Variants in EXT1 observed in about 807,000 individuals in gnomAD.
EXT1 encodes exostosin-1.
In EXT1, 20 loss-of-function variants were observed where a neutral mutation model predicts 82.5. The observed-to-expected ratio is 0.24, with a 90% CI of 0.17 to 0.35. EXT1 has a LOEUF of 0.35. EXT1 is among the 10% of genes least tolerant of loss of function. The pLI, the probability that EXT1 is intolerant of heterozygous loss-of-function variation, is 1.00. For synonymous variants in EXT1, 348 were observed against 350.8 expected, an observed-to-expected ratio of 0.99 and a Z score of 0.09; for missense variants, 757 against 936.5, an observed-to-expected ratio of 0.81 and a Z score of 2.50.
chr8:117,815,654 AG>A (rs1412442503), intron 7 of EXT1, among the ~76,000 whole-genome samples: 1 of 152,196 alleles, frequency 6.6e-6, no homozygotes, highest in East Asian at 1.9e-4. Flanking sequence ...CATGTTGGCC[AG>A]GTACAGTGGC....
intron 1 of EXT1, among the ~76,000 whole-genome samples, chr8:118,062,134 T>C (rs185276973): frequency 6.6e-6 from 1 of 152,304 alleles, no homozygotes; most frequent in Non-Finnish European, 1.5e-5. Flanking sequence ...TGGACACGTG[T>C]TCCATGACTT....
At chr8:117,853,911 T>C (rs1450370689) in intron 1 of EXT1, among the ~76,000 whole-genome samples, 8 of 152,240 alleles carry the variant, frequency 5.3e-5, no homozygotes, top group Admixed American at 5.2e-4. Context: ...AATACTGAAA[T>C]GACTTAATTG....
intron 1 of EXT1, among the ~76,000 whole-genome samples, chr8:117,839,103 T>C (rs763439360): frequency 6.4e-4 from 98 of 152,226 alleles, no homozygotes; most frequent in Non-Finnish European, 1.1e-3. Flanking sequence ...AATGGTTACA[T>C]AGAAGGACTA....
chr8:118,092,142 G>A lies in EXT1; in HGVS notation c.962+17943C>T, dbSNP rs989711506. Reference sequence around the variant, plus strand: ...TAAAATATATTTGGAGGAAAATAATGCAGAGAAAACATTTATCAGGCACAT... The same window carrying A: ...TAAAATATATTTGGAGGAAAATAATACAGAGAAAACATTTATCAGGCACAT... On this transcript the variant is annotated intron_variant, in intron 1 of 10. Transcript: ENST00000378204. Among the ~76,000 whole-genome samples the A allele has an allele frequency of 3.3e-5, 5 of 152,294 alleles. No homozygotes were observed. The South Asian group carries it at 1.0e-3, about 32-fold the overall frequency.
At chr8:117,975,178 G>A (rs1011336180) in intron 1 of EXT1, among the ~76,000 whole-genome samples, 7 of 152,268 alleles carry the variant, frequency 4.6e-5, no homozygotes, top group Middle Eastern at 3.4e-3. Flanking sequence ...AAGACAGATT[G>A]TATTTCTTTG....
intron 1 of EXT1, among the ~76,000 whole-genome samples, chr8:118,072,570 T>A (rs1480868581): frequency 6.6e-6 from 1 of 152,222 alleles, no homozygotes; most frequent in African/African-American, 2.4e-5. Context: ...TAACATCAAT[T>A]AATATTTGCA....
At chr8:117,990,877 G>A (rs1299750210) in intron 1 of EXT1, among the ~76,000 whole-genome samples, 1 of 152,190 alleles carries the variant, frequency 6.6e-6, no homozygotes, top group Non-Finnish European at 1.5e-5. Flanking sequence ...AGTGTCAACA[G>A]GCTCTACAGG....
At chr8:117,980,960 G>A (rs1385503053) in intron 1 of EXT1, among the ~76,000 whole-genome samples, 3 of 152,076 alleles carry the variant, frequency 2.0e-5, no homozygotes, top group African/African-American at 4.8e-5. Flanking sequence ...TTATTACTGC[G>A]CTGTCATTCA....
chr8:117,934,232 A>G (rs1814115728), intron 1 of EXT1, among the ~76,000 whole-genome samples: 2 of 151,018 alleles, frequency 1.3e-5, no homozygotes, highest in East Asian at 1.9e-4. Flanking sequence ...TCCCAGCAGC[A>G]CTTAGCAAAA....
intron 1 of EXT1, among the ~76,000 whole-genome samples, chr8:118,023,786 TC>T (rs894432438): frequency 7.2e-5 from 11 of 152,142 alleles, no homozygotes; most frequent in African/African-American, 2.7e-4. Flanking sequence ...GTAATACATA[TC>T]CCCAGCAGCT....
intron 1 of EXT1, among the ~76,000 whole-genome samples, chr8:118,065,492 A>G (rs993634752): frequency 2.0e-5 from 3 of 152,214 alleles, no homozygotes; most frequent in Non-Finnish European, 4.4e-5. Flanking sequence ...ACAAAGTTGC[A>G]TCAAAAAAGT....
At chr8:117,925,643 G>C (rs1813938743) in intron 1 of EXT1, among the ~76,000 whole-genome samples, 1 of 150,160 alleles carries the variant, frequency 6.7e-6, no homozygotes, top group African/African-American at 2.5e-5. Context: ...CAAAGGTAGG[G>C]GGATCACTTG....
intron 1 of EXT1, among the ~76,000 whole-genome samples, chr8:117,992,769 C>A (rs749293392): frequency 2.6e-5 from 4 of 152,310 alleles, no homozygotes; most frequent in Admixed American, 1.3e-4. Context: ...CCAGGAGGAT[C>A]GCCATAACAA....
At chr8:117,988,584 G>A (rs768862575) in intron 1 of EXT1, among the ~76,000 whole-genome samples, 22 of 152,248 alleles carry the variant, frequency 1.4e-4, no homozygotes, top group Non-Finnish European at 2.9e-4. Context: ...AGGATCGGCC[G>A]GGCAGAGAGG....
intron 1 of EXT1, among the ~76,000 whole-genome samples, chr8:117,852,534 A>G (rs189326082): frequency 2.3e-3 from 349 of 152,304 alleles, no homozygotes; most frequent in South Asian, 9.3e-3. Flanking sequence ...AGAAACTTCA[A>G]GGCCTCTTCC....
chr8:118,047,864 ACAAT>A (rs548122203), intron 1 of EXT1, among the ~76,000 whole-genome samples: 26 of 152,212 alleles, frequency 1.7e-4, no homozygotes, highest in Non-Finnish European at 2.6e-4. Context: ...TGGAGGCACC[ACAAT>A]CAATCAATCA....
chr8:118,000,318 T>C (rs922311466), intron 1 of EXT1, among the ~76,000 whole-genome samples: 1 of 152,048 alleles, frequency 6.6e-6, no homozygotes, highest in African/African-American at 2.4e-5. Flanking sequence ...GGTTTCAAAA[T>C]GAACAATCCC....
intron 1 of EXT1, among the ~76,000 whole-genome samples, chr8:117,897,903 G>C (rs28357272): frequency 6.6e-6 from 1 of 152,010 alleles, no homozygotes; most frequent in Non-Finnish European, 1.5e-5. Flanking sequence ...GCACCCAGCC[G>C]CCTGGAATTT....
At chr8:117,910,390 C>A (rs1813623236) in intron 1 of EXT1, among the ~76,000 whole-genome samples, 1 of 152,160 alleles carries the variant, frequency 6.6e-6, no homozygotes, top group African/African-American at 2.4e-5. Context: ...TTCCTCTCCA[C>A]CACTCCAGGA....
Sources: allele counts gnomAD v4.1 joint callset (sites outside exome capture counted in the v4.1 genomes callset), GRCh38; gene constraint gnomAD v4.1.1; transcripts MANE v1.5; gene names NCBI Gene and HGNC (gene_info 2026-07-23, HGNC 2026-07-21).